The following GABBR2 variants were observed in gnomAD, a reference collection of about 807,000 sequenced individuals.
GABBR2 encodes the protein gamma-aminobutyric acid type B receptor subunit 2, also known as G-protein coupled receptor 51.
In GABBR2, 23 loss-of-function variants were observed where a neutral mutation model predicts 105.6. The ratio of observed to expected loss-of-function variants is 0.22; its 90% confidence interval spans 0.16 to 0.31. GABBR2 has a LOEUF of 0.31. Ranked by LOEUF, GABBR2 falls within the 10% of genes least tolerant of loss-of-function variation. The pLI is 1.00. For synonymous variants in GABBR2, 478 were observed against 499.7 expected (o/e 0.96, Z 0.58); for missense variants, 734 against 1,245.5 (o/e 0.59, Z 6.18).
intron 7 of GABBR2, 111 bp from the exon 8 acceptor site, chr9:98,406,252 C>G (rs1485708628): frequency 1.4e-5 from 8 of 586,798 alleles, no homozygotes; most frequent in Non-Finnish European, 2.4e-5. Flanking sequence ...ATTATTAATA[C>G]TGGAGGAAAA....
chr9:98,342,150 A>C (rs1831224771), intron 13 of GABBR2, among the ~76,000 whole-genome samples: 1 of 152,098 alleles, frequency 6.6e-6, no homozygotes, highest in African/African-American at 2.4e-5. Flanking sequence ...ACAGGTGTCC[A>C]TCCAGGCAGC....
At chr9:98,302,904 G>T in intron 16 of GABBR2, 1 of 277,424 alleles carries the variant, frequency 3.6e-6, no homozygotes. Flanking sequence ...AAACTGAGAG[G>T]GAGAGAGACA....
chr9:98,663,123 A>G (rs889814770), intron 1 of GABBR2, among the ~76,000 whole-genome samples: 4 of 152,196 alleles, frequency 2.6e-5, no homozygotes, highest in Non-Finnish European at 4.4e-5. Context: ...AGCCTGGCCT[A>G]CGCTAAGTGA....
intron 5 of GABBR2, among the ~76,000 whole-genome samples, chr9:98,478,683 G>T (rs1175757045): frequency 1.3e-5 from 2 of 152,176 alleles, no homozygotes; most frequent in African/African-American, 4.8e-5. Context: ...AGAAACCATG[G>T]CTGGGAAAGC....
In GABBR2 at chr9:98,708,872, G is replaced by T; in HGVS notation, c.-135C>A. On this transcript the variant is annotated 5_prime_UTR_variant, in exon 1 of 19. Coordinates refer to ENST00000259455, the MANE Select transcript of GABBR2 (RefSeq NM_005458.8). ...GGCCCCGGCTCCGTCTCGGGCTAGG[G>T]TTCCGGCTCGGCTCAGAACGGCCGC... 1 of 439,670 alleles carries T rather than the reference G, an allele frequency of 2.3e-6. No homozygotes were observed. The highest frequency in any genetic ancestry group is 3.0e-6 in the Non-Finnish European group (1 of 333,898). 27.2% of individuals were successfully genotyped at this position (439,670 alleles called of 1,614,324 possible).
At chr9:98,336,431 C>A (rs372100568) in intron 13 of GABBR2, among the ~76,000 whole-genome samples, 1 of 152,312 alleles carries the variant, frequency 6.6e-6, no homozygotes, top group South Asian at 2.1e-4. Context: ...TCTGGCTGGG[C>A]GCAGTGGCTC....
intron 3 of GABBR2, among the ~76,000 whole-genome samples, chr9:98,536,065 G>A (rs2131733283): frequency 6.6e-6 from 1 of 152,298 alleles, no homozygotes; most frequent in Middle Eastern, 3.4e-3. Flanking sequence ...TGAGGAGGCT[G>A]TGCCTGTGTG....
Position 98,350,894 on chromosome 9 carries a change from A to AT in GABBR2, c.1893+11820dup, listed in dbSNP as rs1005053786. On this transcript the variant is annotated intron_variant, in intron 13 of 18. Transcript: ENST00000259455. ...TCTACCTCTTTCTTTAGCTTTAATA[A>AT]TTTTTTTTATATATCTGGGTGCTCT... Among the ~76,000 whole-genome samples the AT allele has an allele frequency of 7.2e-5, 11 of 151,934 alleles. No homozygotes were observed. The East Asian group carries it at 7.7e-4, about 11-fold the overall frequency.
chr9:98,587,941 A>G (rs1345593494), intron 1 of GABBR2, among the ~76,000 whole-genome samples: 1 of 152,230 alleles, frequency 6.6e-6, no homozygotes, highest in African/African-American at 2.4e-5. Context: ...ATTTTATAAA[A>G]TTATTTCTTT....
At chr9:98,323,119 G>A (rs2131378182) in intron 13 of GABBR2, among the ~76,000 whole-genome samples, 1 of 152,312 alleles carries the variant, frequency 6.6e-6, no homozygotes, top group African/African-American at 2.4e-5. Context: ...GTGAAGGGGA[G>A]TGGAACTGTG....
At chr9:98,460,157 G>A (rs193223736) in intron 6 of GABBR2, among the ~76,000 whole-genome samples, 34 of 152,320 alleles carry the variant, frequency 2.2e-4, no homozygotes, top group African/African-American at 7.9e-4. Flanking sequence ...TGTATTCCCA[G>A]CACTTGGGAA....
chr9:98,497,339 CCTT>C (rs1002584838), intron 3 of GABBR2, among the ~76,000 whole-genome samples: 1 of 152,048 alleles, frequency 6.6e-6, no homozygotes, highest in African/African-American at 2.4e-5. Flanking sequence ...GGTTACCAGA[CCTT>C]CTGATTTTTG....
intron 7 of GABBR2, among the ~76,000 whole-genome samples, chr9:98,414,252 T>G (rs1028161298): frequency 4.6e-5 from 7 of 152,120 alleles, no homozygotes; most frequent in Non-Finnish European, 1.0e-4. Context: ...TCCAGGAAGG[T>G]GGCATTTGCA....
intron 2 of GABBR2, among the ~76,000 whole-genome samples, chr9:98,565,258 T>G (rs564369090): frequency 6.7e-6 from 1 of 148,234 alleles, no homozygotes; most frequent in South Asian, 2.2e-4. Context: ...GCTGCAAGGC[T>G]GCTCCTCTAC....
intron 6 of GABBR2, among the ~76,000 whole-genome samples, chr9:98,471,438 G>C (rs1163652159): frequency 6.6e-6 from 1 of 152,176 alleles, no homozygotes; most frequent in Non-Finnish European, 1.5e-5. Context: ...GTGATCTGGG[G>C]GATGTTGTTA....
intron 9 of GABBR2, among the ~76,000 whole-genome samples, chr9:98,391,116 T>G (rs1832172859): frequency 6.6e-6 from 1 of 152,060 alleles, no homozygotes; most frequent in Non-Finnish European, 1.5e-5. Flanking sequence ...AATAATCAAC[T>G]CCCATCTGTC....
At chr9:98,466,276 A>G (rs1175532227) in intron 6 of GABBR2, among the ~76,000 whole-genome samples, 1 of 152,226 alleles carries the variant, frequency 6.6e-6, no homozygotes, top group Non-Finnish European at 1.5e-5. Flanking sequence ...TGTGGAGTTC[A>G]AAAGTTCAAA....
intron 1 of GABBR2, among the ~76,000 whole-genome samples, chr9:98,625,163 A>G (rs1204751166): frequency 6.6e-6 from 1 of 152,186 alleles, no homozygotes; most frequent in Non-Finnish European, 1.5e-5. Context: ...GGGGGCTATA[A>G]CCCAGCCCAT....
intron 7 of GABBR2, among the ~76,000 whole-genome samples, chr9:98,410,924 A>C (rs1029204418): frequency 6.6e-6 from 1 of 152,216 alleles, no homozygotes; most frequent in Non-Finnish European, 1.5e-5. Context: ...CTGCCACAAC[A>C]GTCTCTACCT....
Sources: allele counts gnomAD v4.1 joint callset (sites outside exome capture counted in the v4.1 genomes callset), GRCh38; gene constraint gnomAD v4.1.1; transcripts MANE v1.5; gene names NCBI Gene and HGNC (gene_info 2026-07-23, HGNC 2026-07-21).